The following FUT8 variants were observed in gnomAD, a reference collection of about 807,000 sequenced individuals.
The protein encoded by FUT8 is fucosyltransferase 8, also known as alpha-(1,6)-fucosyltransferase.
A neutral mutation model predicts 71.3 loss-of-function variants in FUT8; 29 were observed. The ratio of observed to expected loss-of-function variants is 0.41; its 90% CI spans 0.30 to 0.55. FUT8 has a LOEUF of 0.55. FUT8 is among the 20% of genes least tolerant of loss of function. FUT8 has a pLI of 0.34. For synonymous variants in FUT8, 254 were observed against 239.3 expected, an observed-to-expected ratio of 1.06 and a Z score of -0.57; for missense variants, 544 against 702.1, an observed-to-expected ratio of 0.77 and a Z score of 2.55.
chr14:65,565,477 A>G (rs1886145971), intron 3 of FUT8, among the ~76,000 whole-genome samples: 1 of 151,832 alleles, frequency 6.6e-6, no homozygotes, highest in African/African-American at 2.4e-5. Context: ...CCTTTGTTTC[A>G]TAAACTTTTG....
chr14:65,408,250 G>C (rs952724682), upstream of FUT8, among the ~76,000 whole-genome samples: 3 of 152,070 alleles, frequency 2.0e-5, no homozygotes, highest in African/African-American at 7.2e-5. Context: ...TACTGGTCTT[G>C]AGTCTGGAGA....
chr14:65,616,039 C>A lies in FUT8; in HGVS notation c.265C>A (p.Gln89Lys), dbSNP rs1369803223. 6.2e-7 allele frequency: 1 copy of A among 1,613,908 alleles called. No individual in the cohort carries two copies. Among genetic ancestry groups the A allele is most frequent in the Non-Finnish European group, 8.5e-7 (1 of 1,179,926 alleles). ...AIGRVRVLEE[Q>K]LVKAKEQIEN... ...AGGAAGAGTACGCGTTTTAGAAGAG[C>A]AGCTTGTTAAGGCCAAAGAACAGAT... The change falls in exon 4 of 11, where the codon CAG becomes AAG. Residue 89 changes from glutamine (Q) to lysine (K), a missense_variant. Coordinates refer to ENST00000673929, the MANE Select transcript of FUT8 (RefSeq NM_001371533.1).
intron 3 of FUT8, among the ~76,000 whole-genome samples, chr14:65,590,925 G>A (rs1242023369): frequency 1.3e-5 from 2 of 152,136 alleles, no homozygotes; most frequent in African/African-American, 4.8e-5. Flanking sequence ...TCATTTCATT[G>A]TTGGGGAAAA....
chr14:65,395,219 T>C, the FUT8 span, among the ~76,000 whole-genome samples: 1 of 152,230 alleles, frequency 6.6e-6, no homozygotes, highest in Non-Finnish European at 1.5e-5. Context: ...CTGTGGCTTT[T>C]CCAGGCACAT....
intron 1 of FUT8, among the ~76,000 whole-genome samples, chr14:65,442,802 C>G (rs2065681120): frequency 6.9e-6 from 1 of 144,734 alleles, no homozygotes; most frequent in Admixed American, 7.0e-5. Flanking sequence ...GCCTGGGTGA[C>G]AGAGTGAGAC....
At chr14:65,421,749 T>TCCCCC (rs2065300991) in intron 1 of FUT8, among the ~76,000 whole-genome samples, 1 of 31,212 alleles carries the variant, frequency 3.2e-5, no homozygotes, top group Non-Finnish European at 7.3e-5. Context: ...ACCCCCCCCT[T>TCCCCC]TTTTTTTTTT....
chr14:65,377,191 A>T, the FUT8 span, among the ~76,000 whole-genome samples: 1 of 152,178 alleles, frequency 6.6e-6, no homozygotes, highest in South Asian at 2.1e-4. Flanking sequence ...GCTGCAGCAG[A>T]CAATATGAAA....
chr14:65,729,080 C>T (rs183653270), intron 9 of FUT8, among the ~76,000 whole-genome samples: 7 of 123,610 alleles, frequency 5.7e-5, no homozygotes, highest in Admixed American at 4.2e-4. Flanking sequence ...GGCTGGAATG[C>T]GTTGGTGCAA....
chr14:65,734,601 C>A (rs547159763), intron 10 of FUT8, among the ~76,000 whole-genome samples: 1 of 152,268 alleles, frequency 6.6e-6, no homozygotes, highest in African/African-American at 2.4e-5. Context: ...TTAAGAAACT[C>A]ATTTCCATTC....
intron 10 of FUT8, among the ~76,000 whole-genome samples, chr14:65,735,005 T>C (rs1277249994): frequency 6.6e-6 from 1 of 152,140 alleles, no homozygotes; most frequent in African/African-American, 2.4e-5. Flanking sequence ...GATGCCCCTG[T>C]GGAGCAAAAT....
chr14:65,364,203 A>ATT, the FUT8 span, among the ~76,000 whole-genome samples: 765 of 151,028 alleles, frequency 5.1e-3, 3 homozygotes, highest in Non-Finnish European at 6.7e-3. Flanking sequence ...ATCCAAAACC[A>ATT]TTTTTTTTTG....
intron 2 of FUT8, among the ~76,000 whole-genome samples, chr14:65,511,437 A>G (rs535623173): frequency 3.9e-5 from 6 of 152,120 alleles, no homozygotes; most frequent in African/African-American, 1.4e-4. Context: ...CGTTTGGTCT[A>G]TTTCTTTGTT....
intron 5 of FUT8, among the ~76,000 whole-genome samples, chr14:65,621,770 A>G (rs1889626809): frequency 6.6e-6 from 1 of 152,108 alleles, no homozygotes; most frequent in African/African-American, 2.4e-5. Context: ...CATGTTGGCC[A>G]GGCTGGTCTT....
At chr14:65,648,160 C>A (rs1891200650) in intron 6 of FUT8, among the ~76,000 whole-genome samples, 2 of 152,192 alleles carry the variant, frequency 1.3e-5, no homozygotes, top group Admixed American at 1.3e-4. Context: ...GCTACAGTTG[C>A]AAAGTTGAAT....
chr14:65,649,475 G>GTGATT (rs1891261866), intron 6 of FUT8, among the ~76,000 whole-genome samples: 1 of 152,164 alleles, frequency 6.6e-6, no homozygotes, highest in Non-Finnish European at 1.5e-5. Flanking sequence ...CATGTGAGAT[G>GTGATT]GTTGATTATG....
chr14:65,436,400 GC>G (rs1381491918), intron 1 of FUT8, among the ~76,000 whole-genome samples: 2 of 152,174 alleles, frequency 1.3e-5, no homozygotes, highest in African/African-American at 4.8e-5. Context: ...GGAGGCTGAG[GC>G]AGGCAGATCA....
chr14:65,729,600 C>A (rs780473518), intron 9 of FUT8, among the ~76,000 whole-genome samples: 1 of 151,474 alleles, frequency 6.6e-6, no homozygotes, highest in Non-Finnish European at 1.5e-5. Flanking sequence ...ACGGTAGCCT[C>A]GACCTCCTGG....
At chr14:65,681,206 C>T (rs1227896265) in intron 7 of FUT8, among the ~76,000 whole-genome samples, 2 of 152,160 alleles carry the variant, frequency 1.3e-5, no homozygotes, top group Non-Finnish European at 2.9e-5. Flanking sequence ...CTGGCCAATA[C>T]TTGTTACTCA....
intron 1 of FUT8, among the ~76,000 whole-genome samples, chr14:65,439,527 A>G (rs2065609522): frequency 6.6e-6 from 1 of 152,180 alleles, no homozygotes; most frequent in South Asian, 2.1e-4. Context: ...ATGTAAATAA[A>G]TATATTTAAA....
Sources: allele counts gnomAD v4.1 joint callset (sites outside exome capture counted in the v4.1 genomes callset), GRCh38; gene constraint gnomAD v4.1.1; transcripts MANE v1.5; gene names NCBI Gene and HGNC (gene_info 2026-07-23, HGNC 2026-07-21).